Variants in PPP2R5E observed in about 807,000 individuals in gnomAD.
PPP2R5E encodes the protein serine/threonine-protein phosphatase 2A 56 kDa regulatory subunit epsilon isoform.
Under a neutral mutation model 65.3 loss-of-function variants are expected in PPP2R5E, and 4 were observed. The ratio of observed to expected loss-of-function variants is 0.06; its 90% CI spans 0.03 to 0.14. PPP2R5E has a LOEUF of 0.14. PPP2R5E is among the 10% of genes least tolerant of loss of function. PPP2R5E has a pLI of 1.00. For synonymous variants in PPP2R5E, 183 were observed against 187.4 expected (o/e 0.98, Z 0.19); for missense variants, 274 against 556.1 (o/e 0.49, Z 5.10).
At chr14:63,417,248 T>G (rs1375592583) in intron 4 of PPP2R5E, among the ~76,000 whole-genome samples, 3 of 152,230 alleles carry the variant, frequency 2.0e-5, no homozygotes, top group Non-Finnish European at 4.4e-5. Flanking sequence ...CAATTTTATT[T>G]TTAAAAAGTC....
rs904340232 is a variant in PPP2R5E, at chr14:63,441,311, A to G, written c.354+12378T>C. ...CAACCTACCTAAATTCACACCATAT[A>G]AAACAAAAAATCTGAACAGTCAGAC... On this transcript the variant is annotated intron_variant, in intron 3 of 13. Coordinates refer to ENST00000337537, the MANE Select transcript of PPP2R5E (RefSeq NM_006246.5). 4.6e-5 allele frequency among the ~76,000 whole-genome samples: 7 copies of G among 152,374 alleles called. No homozygotes were observed. The East Asian group carries it at 7.7e-4, about 17-fold the overall frequency.
At chr14:63,413,733 C>A (rs1886532619) in intron 5 of PPP2R5E, among the ~76,000 whole-genome samples, 1 of 152,146 alleles carries the variant, frequency 6.6e-6, no homozygotes, top group Non-Finnish European at 1.5e-5. Flanking sequence ...TTATGCTTCC[C>A]TGGCATAACA....
At chr14:63,400,770 T>A (rs1885708796) in intron 5 of PPP2R5E, among the ~76,000 whole-genome samples, 1 of 148,992 alleles carries the variant, frequency 6.7e-6, no homozygotes, top group Non-Finnish European at 1.5e-5. Context: ...ATAAGACCTC[T>A]AATCCACCTA....
intron 3 of PPP2R5E, among the ~76,000 whole-genome samples, chr14:63,430,361 A>ATGCATGCATG (rs1887577725): frequency 2.2e-5 from 3 of 133,436 alleles, no homozygotes; most frequent in African/African-American, 1.0e-4. Context: ...ATACATACAT[A>ATGCATGCATG]CATACATACA....
Position 63,465,869 on chromosome 14 carries a change from G to T in PPP2R5E, c.158-11984C>A, listed in dbSNP as rs1889768571. ...TCACTGAAGCCCAATTTTCAGTCAG[G>T]TTCAGAAGTATGAGAAACAAAAATC... On this transcript the variant is annotated intron_variant, in intron 2 of 13. Coordinates refer to ENST00000337537, the MANE Select transcript of PPP2R5E (RefSeq NM_006246.5). 3.3e-5 allele frequency among the ~76,000 whole-genome samples: 5 copies of T among 152,164 alleles called. 1 individual carries two copies. Among genetic ancestry groups the T allele is most frequent in the Middle Eastern group, 3.4e-3 (1 of 294 alleles).
chr14:63,496,359 G>A (rs924872154), intron 2 of PPP2R5E, among the ~76,000 whole-genome samples: 6 of 149,782 alleles, frequency 4.0e-5, no homozygotes, highest in South Asian at 2.1e-4. Flanking sequence ...CACAAGAATC[G>A]CTTGAACCTG....
At chr14:63,414,901 G>T (rs1465769958) in intron 5 of PPP2R5E, among the ~76,000 whole-genome samples, 1 of 152,056 alleles carries the variant, frequency 6.6e-6, no homozygotes, top group Non-Finnish European at 1.5e-5. Context: ...AAACTGTAGG[G>T]ATTTAGGCAT....
chr14:63,384,454 G>A lies in PPP2R5E; in HGVS notation c.1192C>T (p.His398Tyr). ...FSSLYRISKE[H>Y]WNPAIVALVY... ...AAACTGAAAACCTACGGATTCCAATGTTCTTTTGAAATCCTATAAAGGCTG... is the reference window on the plus strand; with the variant it reads ...AAACTGAAAACCTACGGATTCCAATATTCTTTTGAAATCCTATAAAGGCTG... Residue 398 changes from histidine (H) to tyrosine (Y), a missense_variant, in exon 12 of 14, where the codon CAT becomes TAT. Physicochemically the swap from His to Tyr is moderately conservative, Grantham distance 83 (BLOSUM62 2). This residue lies in a region of PPP2R5E where 129 missense variants were observed against 254.9 expected (regional missense o/e 0.51). Coordinates refer to ENST00000337537, the MANE Select transcript of PPP2R5E (RefSeq NM_006246.5). 1 of 1,612,930 alleles carries A rather than the reference G, an allele frequency of 6.2e-7. No homozygotes were observed. The highest frequency in any genetic ancestry group is 1.1e-5 in the South Asian group (1 of 91,024).
intron 3 of PPP2R5E, among the ~76,000 whole-genome samples, chr14:63,437,279 A>G (rs557368865): frequency 6.6e-6 from 1 of 152,270 alleles, no homozygotes; most frequent in East Asian, 1.9e-4. Context: ...TCAAGAAGTA[A>G]CCATAAAAAT....
intron 2 of PPP2R5E, among the ~76,000 whole-genome samples, chr14:63,526,373 ATGTT>A (rs1893184138): frequency 6.6e-6 from 1 of 152,070 alleles, no homozygotes; most frequent in Non-Finnish European, 1.5e-5. Context: ...AAACATCTCT[ATGTT>A]TGTATATGTT....
intron 2 of PPP2R5E, among the ~76,000 whole-genome samples, chr14:63,479,801 G>A (rs999658429): frequency 1.2e-4 from 18 of 152,108 alleles, no homozygotes; most frequent in African/African-American, 4.3e-4. Context: ...TAAAAGATTA[G>A]GTTAAACCAT....
intron 3 of PPP2R5E, among the ~76,000 whole-genome samples, chr14:63,444,177 T>C (rs1888367600): frequency 6.6e-6 from 1 of 152,222 alleles, no homozygotes; most frequent in South Asian, 2.1e-4. Context: ...CATATACACA[T>C]AACACTGTAA....
chr14:63,539,834 G>C (rs915509451), intron 1 of PPP2R5E, 142 bp from the exon 2 acceptor site: 4 of 931,126 alleles, frequency 4.3e-6, no homozygotes, highest in African/African-American at 1.7e-5. Flanking sequence ...GTTAAGAAAA[G>C]TCTTATCTTG....
intron 5 of PPP2R5E, among the ~76,000 whole-genome samples, chr14:63,398,029 G>A (rs1885517413): frequency 1.3e-5 from 2 of 152,108 alleles, no homozygotes; most frequent in South Asian, 2.1e-4. Context: ...ATGCCTGGCT[G>A]TGAATAACAT....
intron 13 of PPP2R5E, among the ~76,000 whole-genome samples, chr14:63,380,668 CA>C (rs551126549): frequency 6.3e-4 from 88 of 139,672 alleles, no homozygotes; most frequent in East Asian, 1.0e-3. Context: ...TCTCAAAAAA[CA>C]AAAAAAAAAA....
intron 2 of PPP2R5E, among the ~76,000 whole-genome samples, chr14:63,497,032 T>C (rs1379802621): frequency 3.9e-5 from 6 of 152,048 alleles, no homozygotes; most frequent in Non-Finnish European, 2.9e-5. Context: ...TGCCCACAGC[T>C]CTAGCCAGTT....
chr14:63,496,531 G>A (rs888087629), intron 2 of PPP2R5E, among the ~76,000 whole-genome samples: 8 of 151,280 alleles, frequency 5.3e-5, no homozygotes, highest in African/African-American at 1.5e-4. Flanking sequence ...CATCCAGCTC[G>A]CCTCTTGAAC....
At chr14:63,451,071 A>C (rs1308105667) in intron 3 of PPP2R5E, among the ~76,000 whole-genome samples, 2 of 152,206 alleles carry the variant, frequency 1.3e-5, no homozygotes, top group Non-Finnish European at 2.9e-5. Flanking sequence ...AAATAGTACC[A>C]CTACCCTGGA....
intron 3 of PPP2R5E, among the ~76,000 whole-genome samples, chr14:63,425,562 C>A (rs1207091482): frequency 6.6e-6 from 1 of 152,212 alleles, no homozygotes; most frequent in Non-Finnish European, 1.5e-5. Flanking sequence ...ACAGAAACTT[C>A]TCTTCCTTTG....
Sources: allele counts gnomAD v4.1 joint callset (sites outside exome capture counted in the v4.1 genomes callset), GRCh38; gene constraint gnomAD v4.1.1; regional missense constraint gnomAD v4.1.1; transcripts MANE v1.5; gene names NCBI Gene and HGNC (gene_info 2026-07-23, HGNC 2026-07-21).